The following SEMA5A variants were observed in gnomAD, a reference collection of about 807,000 sequenced individuals.
The protein encoded by SEMA5A is semaphorin-5A.
Under a neutral mutation model 135.5 loss-of-function variants are expected in SEMA5A, and 55 were observed. That is an observed-to-expected ratio of 0.41 (90% CI 0.33 to 0.51). The LOEUF is 0.51. SEMA5A is among the 20% of genes least tolerant of loss of function. SEMA5A has a pLI of 0.37. For missense variants in SEMA5A, 1,290 were observed against 1,419.9 expected (o/e 0.91, Z 1.47); for synonymous variants, 580 against 546.5 (o/e 1.06, Z -0.85).
At chr5:9,057,491 C>T (rs993587396) in intron 18 of SEMA5A, among the ~76,000 whole-genome samples, 1 of 152,212 alleles carries the variant, frequency 6.6e-6, no homozygotes, top group Non-Finnish European at 1.5e-5. Context: ...TAAATCCTCT[C>T]TCACACATAC....
At chr5:9,110,223 C>G (rs1489231424) in intron 15 of SEMA5A, among the ~76,000 whole-genome samples, 1 of 152,176 alleles carries the variant, frequency 6.6e-6, no homozygotes, top group Non-Finnish European at 1.5e-5. Flanking sequence ...AATCAGGAAA[C>G]TTCCACAGAG....
At chr5:9,219,085 C>G (rs928578679) in intron 8 of SEMA5A, among the ~76,000 whole-genome samples, 2 of 152,222 alleles carry the variant, frequency 1.3e-5, no homozygotes, top group East Asian at 3.8e-4. Context: ...ACCAGTAAGA[C>G]AAATTTATGC....
intron 1 of SEMA5A, among the ~76,000 whole-genome samples, chr5:9,454,140 C>T (rs1758746201): frequency 6.6e-6 from 1 of 152,146 alleles, no homozygotes; most frequent in Non-Finnish European, 1.5e-5. Flanking sequence ...TCCTCAGAAA[C>T]ACAAATCTGT....
intron 11 of SEMA5A, among the ~76,000 whole-genome samples, chr5:9,170,539 G>A (rs565050185): frequency 6.6e-6 from 1 of 152,250 alleles, no homozygotes; most frequent in Non-Finnish European, 1.5e-5. Context: ...ATATTTGGAG[G>A]TGGGGGGCTT....
In SEMA5A at chr5:9,051,914, G is replaced by A. The variant is rs375733432; in HGVS notation, c.2804C>T (p.Thr935Met). 2.2e-5 allele frequency: 36 copies of A among 1,614,062 alleles called. No individual in the cohort carries two copies. Among genetic ancestry groups the A allele is most frequent in the African/African-American group, 4.0e-5 (3 of 74,930 alleles). Reference sequence around the variant, plus strand: ...GTCAAACACACACGGCCGGCTCTCCGTGGTGTTCCCGGAGCACTGGCTGCC... The same window carrying A: ...GTCAAACACACACGGCCGGCTCTCCATGGTGTTCCCGGAGCACTGGCTGCC... ...PMGSQCSGNT[T>M]ESRPCVFDSN... is the part of the protein sequence containing the mutation. Residue 935 changes from threonine (T) to methionine (M), a missense_variant, in exon 20 of 23, where the codon ACG becomes ATG. Around this residue, in one of 3 missense-constraint regions of SEMA5A, gnomAD observed 1,029 missense variants for 1,086.6 expected, o/e 0.95. Transcript: ENST00000382496.
At chr5:9,361,673 C>T (rs950932725) in intron 3 of SEMA5A, among the ~76,000 whole-genome samples, 7 of 152,166 alleles carry the variant, frequency 4.6e-5, no homozygotes, top group African/African-American at 1.7e-4. Context: ...TTTGCTCTGA[C>T]CATATTGATG....
At chr5:9,393,855 A>G (rs1357155807) in intron 2 of SEMA5A, among the ~76,000 whole-genome samples, 1 of 152,212 alleles carries the variant, frequency 6.6e-6, no homozygotes, top group Non-Finnish European at 1.5e-5. Flanking sequence ...AGCATTGTTC[A>G]TAATAGCAAA....
intron 17 of SEMA5A, among the ~76,000 whole-genome samples, chr5:9,064,368 C>T (rs1016366969): frequency 1.3e-5 from 2 of 152,072 alleles, no homozygotes; most frequent in African/African-American, 4.8e-5. Context: ...GCACTATTCA[C>T]GATGGCAAAG....
intron 1 of SEMA5A, among the ~76,000 whole-genome samples, chr5:9,495,944 A>C (rs1039415223): frequency 1.8e-4 from 28 of 152,250 alleles, no homozygotes; most frequent in African/African-American, 6.3e-4. Context: ...CCATCCACAC[A>C]CACTAGAATG....
chr5:9,432,802 A>G (rs1284464766), intron 2 of SEMA5A, among the ~76,000 whole-genome samples: 2 of 152,214 alleles, frequency 1.3e-5, no homozygotes, highest in East Asian at 1.9e-4. Flanking sequence ...ACCATGTAAC[A>G]TTTAATGCAA....
intron 11 of SEMA5A, among the ~76,000 whole-genome samples, chr5:9,172,835 A>T (rs943598118): frequency 1.3e-5 from 2 of 152,212 alleles, no homozygotes; most frequent in Non-Finnish European, 2.9e-5. Context: ...CTCAATTTTA[A>T]TTCCTCAAAG....
At chr5:9,460,514 ATCTG>A (rs1759016192) in intron 1 of SEMA5A, among the ~76,000 whole-genome samples, 1 of 152,174 alleles carries the variant, frequency 6.6e-6, no homozygotes, top group African/African-American at 2.4e-5. Flanking sequence ...TATTATTTCA[ATCTG>A]TCTACTATTA....
At chr5:9,052,529 G>A (rs1410818841) in intron 19 of SEMA5A, among the ~76,000 whole-genome samples, 5 of 152,182 alleles carry the variant, frequency 3.3e-5, no homozygotes, top group African/African-American at 9.7e-5. Context: ...CTGAAAGGGA[G>A]TCTGAAGCTA....
In SEMA5A at chr5:9,035,732, G is replaced by A. The variant is rs1010017240; in HGVS notation, c.*7165C>T. On this transcript the variant is annotated 3_prime_UTR_variant, in exon 23 of 23. Coordinates refer to ENST00000382496, the MANE Select transcript of SEMA5A (RefSeq NM_003966.3). ...TCAAATGTAAGGATTGAAAGAAAGT[G>A]TGGTGTGTCCATGGCCCCCTTACAA... 6 of 152,132 alleles carry A rather than the reference G, an allele frequency of 3.9e-5. No homozygotes were observed. The highest frequency in any genetic ancestry group is 1.4e-4 in the African/African-American group (6 of 41,412). 9.4% of individuals were successfully genotyped at this position (152,132 alleles called of 1,614,324 possible). A position where few individuals can be genotyped will look rare whatever the true frequency, so the allele number is the denominator to read the frequency against.
At chr5:9,284,455 T>C (rs902960170) in intron 5 of SEMA5A, among the ~76,000 whole-genome samples, 1 of 152,188 alleles carries the variant, frequency 6.6e-6, no homozygotes, top group Admixed American at 6.6e-5. Context: ...GAATGAATTA[T>C]GTAGAGAAGG....
chr5:9,444,522 A>G (rs1325351228), intron 1 of SEMA5A, among the ~76,000 whole-genome samples: 1 of 152,182 alleles, frequency 6.6e-6, no homozygotes, highest in Non-Finnish European at 1.5e-5. Flanking sequence ...CCATTAATTC[A>G]TTCCTTTTTA....
intron 21 of SEMA5A, 132 bp from the exon 22 acceptor site, chr5:9,044,716 T>A (rs944861248): frequency 1.4e-6 from 1 of 693,830 alleles, no homozygotes; most frequent in African/African-American, 1.8e-5. Flanking sequence ...GAAATTATCA[T>A]TCTTAAGAGT....
chr5:9,133,068 T>C (rs570424852), intron 13 of SEMA5A, among the ~76,000 whole-genome samples: 1 of 152,334 alleles, frequency 6.6e-6, no homozygotes, highest in African/African-American at 2.4e-5. Context: ...CTTAGCAACA[T>C]ATAAAGCAGT....
intron 1 of SEMA5A, among the ~76,000 whole-genome samples, chr5:9,506,371 C>A (rs1234455294): frequency 6.6e-6 from 1 of 152,132 alleles, no homozygotes. Context: ...GGGTGACTCC[C>A]AAATTATTTT....
Sources: allele counts gnomAD v4.1 joint callset (sites outside exome capture counted in the v4.1 genomes callset), GRCh38; gene constraint gnomAD v4.1.1; regional missense constraint gnomAD v4.1.1; transcripts MANE v1.5; gene names NCBI Gene and HGNC (gene_info 2026-07-23, HGNC 2026-07-21).